FHIP1A: variants seen among roughly 807,000 people sequenced by gnomAD.
FHIP1A encodes FHF complex subunit HOOK-interacting protein 1A.
In FHIP1A, 61 loss-of-function variants were observed where a neutral mutation model predicts 88.6. The observed-to-expected ratio is 0.69, with a 90% CI of 0.56 to 0.85. The LOEUF (loss-of-function observed/expected upper bound fraction) is 0.85. FHIP1A is among the 40% of genes least tolerant of loss of function. The pLI is 0.00. For missense variants in FHIP1A, 1,154 were observed against 1,273.5 expected (o/e 0.91, Z 1.43); for synonymous variants, 478 against 496.0 (o/e 0.96, Z 0.48).
At chr4:151,646,461 C>G in intron 9 of FHIP1A, 97 bp from the exon 10 acceptor site, 1 of 762,856 alleles carries the variant, frequency 1.3e-6, no homozygotes, top group South Asian at 1.8e-5. Flanking sequence ...GATGAGTCTG[C>G]CCCTGGCCAC....
At chr4:151,449,110 G>A (rs541858838) in intron 1 of FHIP1A, among the ~76,000 whole-genome samples, 2 of 152,174 alleles carry the variant, frequency 1.3e-5, no homozygotes, top group South Asian at 2.1e-4. Context: ...GGTTTTTTTA[G>A]TATCTCCATA....
chr4:151,645,459 G>A (rs960014687), intron 9 of FHIP1A, among the ~76,000 whole-genome samples: 1 of 151,994 alleles, frequency 6.6e-6, no homozygotes, highest in African/African-American at 2.4e-5. Flanking sequence ...GGAGATGGTT[G>A]AATGTTTACA....
At chr4:151,433,344 A>C (rs1246863382) in intron 1 of FHIP1A, among the ~76,000 whole-genome samples, 2 of 151,604 alleles carry the variant, frequency 1.3e-5, no homozygotes, top group Admixed American at 6.6e-5. Flanking sequence ...CTGTGGAGGT[A>C]GGAATAGTAA....
chr4:151,430,704 C>T (rs1301144219), intron 1 of FHIP1A, among the ~76,000 whole-genome samples: 2 of 152,174 alleles, frequency 1.3e-5, no homozygotes, highest in Non-Finnish European at 2.9e-5. Flanking sequence ...GATTACCTTC[C>T]AGCAGGATAT....
Position 151,650,348 on chromosome 4 carries a change from G to C in FHIP1A, c.2307G>C (p.Leu769Phe), listed in dbSNP as rs1245259809. 2 of 1,551,640 alleles carry C rather than the reference G, an allele frequency of 1.3e-6. No homozygotes were observed. Among genetic ancestry groups the C allele is most frequent in the Non-Finnish European group, 1.7e-6 (2 of 1,147,028 alleles). The change falls in exon 11 of 14, where the codon TTG (leucine) becomes TTC (phenylalanine). Residue 769 changes from leucine to phenylalanine, a missense_variant. Leu to Phe is a conservative substitution (Grantham distance 22). Transcript: ENST00000435205. ...AGCTGGATTCCGGCGCCGAGGGCTT[G>C]ATGGAACAGAATTACCCCACACCTG... Reference protein sequence around the residue: ...IKELDSGAEGLMEQNYPTPDP... With the variant: ...IKELDSGAEGFMEQNYPTPDP...
rs984084890 is a variant in FHIP1A, at chr4:151,649,919, G to A, written c.1878G>A (p.Leu626=). The A allele has an allele frequency of 1.4e-5, 22 of 1,551,468 alleles. No homozygotes were observed. The highest frequency in any genetic ancestry group is 2.0e-5 in the Admixed American group (1 of 50,986). The change falls in exon 11 of 14, where the codon CTG becomes CTA. Residue 626 remains leucine, a synonymous_variant. Coordinates refer to ENST00000435205, the MANE Select transcript of FHIP1A (RefSeq NM_001109977.3). ...HIQEMKKNAL[L]LFKGSYIEES... ...AGGAGATGAAGAAGAATGCCCTCCT[G>A]CTCTTCAAAGGGTCCTACATAGAAG...
intron 3 of FHIP1A, among the ~76,000 whole-genome samples, chr4:151,512,263 A>G (rs1241490433): frequency 1.3e-5 from 2 of 152,180 alleles, no homozygotes; most frequent in Admixed American, 1.3e-4. Context: ...AACAGAAAGG[A>G]CATCCACACC....
At chr4:151,444,530 C>T (rs929102237) in intron 1 of FHIP1A, among the ~76,000 whole-genome samples, 1 of 152,136 alleles carries the variant, frequency 6.6e-6, no homozygotes, top group Non-Finnish European at 1.5e-5. Flanking sequence ...CCCACCCACT[C>T]CCCACGTTTC....
At chr4:151,462,113 A>G (rs1218065951) in intron 2 of FHIP1A, among the ~76,000 whole-genome samples, 2 of 152,158 alleles carry the variant, frequency 1.3e-5, no homozygotes, top group Non-Finnish European at 2.9e-5. Context: ...GTGAGCTGTG[A>G]TCATACCACT....
chr4:151,444,055 A>G (rs775981162), intron 1 of FHIP1A, among the ~76,000 whole-genome samples: 4 of 149,590 alleles, frequency 2.7e-5, no homozygotes, highest in Non-Finnish European at 4.4e-5. Flanking sequence ...CCCAGGCTCT[A>G]TTGAGCAGAT....
chr4:151,470,685 T>G (rs1729475523), intron 2 of FHIP1A, among the ~76,000 whole-genome samples: 1 of 152,124 alleles, frequency 6.6e-6, no homozygotes, highest in Non-Finnish European at 1.5e-5. Flanking sequence ...TATAATACAA[T>G]GAGAATAAAG....
chr4:151,527,330 C>T (rs1372019661), intron 3 of FHIP1A, among the ~76,000 whole-genome samples: 7 of 152,182 alleles, frequency 4.6e-5, no homozygotes, highest in Admixed American at 2.0e-4. Context: ...GAGACCAGCC[C>T]GGCCAACACA....
At chr4:151,427,905 T>A (rs1032848881) in intron 1 of FHIP1A, among the ~76,000 whole-genome samples, 6 of 152,164 alleles carry the variant, frequency 3.9e-5, no homozygotes, top group Non-Finnish European at 8.8e-5. Context: ...ACTAAATGGT[T>A]TATTATGAAA....
intron 11 of FHIP1A, among the ~76,000 whole-genome samples, chr4:151,652,726 A>T (rs1176657805): frequency 6.6e-6 from 1 of 152,212 alleles, no homozygotes; most frequent in Non-Finnish European, 1.5e-5. Context: ...GGGAGTCCCC[A>T]GGTGAAAGCA....
chr4:151,554,199 T>C (rs1372085261), intron 3 of FHIP1A, among the ~76,000 whole-genome samples: 13 of 152,178 alleles, frequency 8.5e-5, no homozygotes, highest in Non-Finnish European at 1.5e-4. Context: ...ATAGACAATT[T>C]AGTGTGGTGC....
chr4:151,427,756 A>G (rs1399321360), intron 1 of FHIP1A, among the ~76,000 whole-genome samples: 5 of 152,114 alleles, frequency 3.3e-5, no homozygotes, highest in Non-Finnish European at 5.9e-5. Flanking sequence ...GGAGGATGTC[A>G]ACTACAGAGA....
intron 7 of FHIP1A, among the ~76,000 whole-genome samples, chr4:151,593,534 G>T (rs1230259471): frequency 6.6e-6 from 1 of 152,050 alleles, no homozygotes; most frequent in Admixed American, 6.5e-5. Flanking sequence ...AATTGTGAGT[G>T]GGAGTTCACT....
chr4:151,466,794 C>G (rs1209983462), intron 2 of FHIP1A, among the ~76,000 whole-genome samples: 1 of 152,294 alleles, frequency 6.6e-6, no homozygotes, highest in African/African-American at 2.4e-5. Flanking sequence ...AAAACTGAAA[C>G]TGGACCCTTT....
At chr4:151,432,476 G>A (rs2126542509) in intron 1 of FHIP1A, among the ~76,000 whole-genome samples, 1 of 152,290 alleles carries the variant, frequency 6.6e-6, no homozygotes, top group East Asian at 1.9e-4. Flanking sequence ...GGGTGAGTGA[G>A]GAAGAGACAG....
Sources: gnomAD v4.1 joint callset for allele counts (sites outside exome capture counted in the v4.1 genomes callset) on GRCh38, gnomAD v4.1.1 for gene constraint, MANE v1.5 for transcripts, NCBI Gene and HGNC (gene_info 2026-07-23, HGNC 2026-07-21) for gene names.